PKHD1L1: variants seen among roughly 807,000 people sequenced by gnomAD.
The protein encoded by PKHD1L1 is PKHD1 like 1.
A neutral mutation model predicts 462.9 loss-of-function variants in PKHD1L1; 434 were observed. That is an observed-to-expected ratio of 0.94 (90% CI 0.87 to 1.02). The LOEUF is 1.02. PKHD1L1 is among the 50% of genes least tolerant of loss of function. The pLI is 0.00. For missense variants in PKHD1L1, 5,202 were observed against 5,096.1 expected (o/e 1.02, Z -0.63); for synonymous variants, 1,781 against 1,750.0 (o/e 1.02, Z -0.44).
At chr8:109,528,053 C>T (rs1324726419) in intron 77 of PKHD1L1, among the ~76,000 whole-genome samples, 1 of 152,104 alleles carries the variant, frequency 6.6e-6, no homozygotes, top group Non-Finnish European at 1.5e-5. Context: ...GACAGGCAGA[C>T]AGAGACATTG....
intron 73 of PKHD1L1, among the ~76,000 whole-genome samples, chr8:109,521,673 T>C (rs1480292678): frequency 6.6e-6 from 1 of 152,186 alleles, no homozygotes; most frequent in African/African-American, 2.4e-5. Context: ...GAACTATATG[T>C]AGTGTTAAAA....
rs781223109 is a variant in PKHD1L1 at position 109,445,630 on chromosome 8, A to G, written c.5761A>G (p.Ile1921Val). 1 of 1,606,940 alleles carries G rather than the reference A, an allele frequency of 6.2e-7. No individual in the cohort carries two copies. The highest frequency in any genetic ancestry group is 8.5e-7 in the Non-Finnish European group (1 of 1,174,968). Reference protein sequence around the residue: ...ALEDTPFLRGIIPSRGPPGTE... With the variant: ...ALEDTPFLRGVIPSRGPPGTE... ...GGAGGATACTCCATTTCTCAGAGGAATTATCCCAAGCAGAGGTACTCCAAT... is the reference window on the plus strand; with the variant it reads ...GGAGGATACTCCATTTCTCAGAGGAGTTATCCCAAGCAGAGGTACTCCAAT... Residue 1921 changes from isoleucine to valine, a missense_variant, in exon 38 of 78, where the codon ATT (isoleucine) becomes GTT (valine). Physicochemically the swap from Ile to Val is conservative, Grantham distance 29. Transcript: ENST00000378402.
At chr8:109,506,257 C>A (rs1819684081) in intron 68 of PKHD1L1, among the ~76,000 whole-genome samples, 1 of 152,160 alleles carries the variant, frequency 6.6e-6, no homozygotes, top group African/African-American at 2.4e-5. Context: ...TGGCAAATAA[C>A]AACCCATGGC....
intron 67 of PKHD1L1, chr8:109,499,367 T>C (rs1819284675): frequency 6.6e-6 from 1 of 152,284 alleles, no homozygotes; most frequent in Non-Finnish European, 1.5e-5. Context: ...CCAGTGTCTC[T>C]GAAGAAAGTA....
rs367631228 is a variant in PKHD1L1, at chr8:109,445,101, A to G, written c.5232A>G (p.Leu1744=). The change falls in exon 38 of 78, where the codon TTA becomes TTG. Residue 1744 remains leucine, a synonymous_variant. Transcript: ENST00000378402. The part of the protein sequence containing the change: ...QCQGNCTFSY[L]ESITPYITGV... Reference sequence around the variant, plus strand: ...AGGGAAACTGCACCTTTTCATACTTAGAAAGCATCACTCCTTACATAACAG... The same window carrying G: ...AGGGAAACTGCACCTTTTCATACTTGGAAAGCATCACTCCTTACATAACAG... The G allele has an allele frequency of 9.3e-6, 15 of 1,613,896 alleles. No individual in the cohort carries two copies. The African/African-American group carries it at 1.7e-4, about 19-fold the overall frequency.
chr8:109,471,593 G>T (rs1817721254), intron 50 of PKHD1L1, among the ~76,000 whole-genome samples: 1 of 152,110 alleles, frequency 6.6e-6, no homozygotes, highest in African/African-American at 2.4e-5. Context: ...GCCGAATTTG[G>T]TTCACATGTG....
rs981860488 is a variant in PKHD1L1, at chr8:109,411,192, T to G, written c.2086-1073T>G. Among the ~76,000 whole-genome samples, 41 of 152,168 alleles carry G rather than the reference T, an allele frequency of 2.7e-4. 1 individual carries two copies. The highest frequency in any genetic ancestry group is 8.8e-5 in the Non-Finnish European group (6 of 68,038). Reference sequence around the variant, plus strand: ...GTTAATTAGTACACGGCCCAGTCATTATTTATTTCTTAATGAGATATTTTC... The same window carrying G: ...GTTAATTAGTACACGGCCCAGTCATGATTTATTTCTTAATGAGATATTTTC... On this transcript the variant is annotated intron_variant, in intron 19 of 77. Coordinates refer to ENST00000378402, the MANE Select transcript of PKHD1L1 (RefSeq NM_177531.6).
chr8:109,525,689 T>A (rs1820779904), intron 76 of PKHD1L1, among the ~76,000 whole-genome samples: 1 of 152,118 alleles, frequency 6.6e-6, no homozygotes, highest in Non-Finnish European at 1.5e-5. Flanking sequence ...ATAAAAGAAC[T>A]ACCCTAAATT....
At chr8:109,449,250 A>T in intron 39 of PKHD1L1, 88 bp from the exon 40 acceptor site, 1 of 1,294,434 alleles carries the variant, frequency 7.7e-7, no homozygotes, top group South Asian at 1.8e-5. Context: ...ACTTACTTTT[A>T]ACATTTAAAA....
intron 26 of PKHD1L1, 149 bp downstream of exon 26, chr8:109,429,611 T>A: frequency 1.2e-6 from 1 of 860,324 alleles, no homozygotes; most frequent in Non-Finnish European, 1.7e-6. Context: ...GATAATATTA[T>A]TTTATGATTT....
At chr8:109,473,459 T>G (rs1207474579) in intron 50 of PKHD1L1, among the ~76,000 whole-genome samples, 1 of 150,728 alleles carries the variant, frequency 6.6e-6, no homozygotes, top group Non-Finnish European at 1.5e-5. Flanking sequence ...GAGTTTGCAG[T>G]GAGCCGAGAT....
At chr8:109,408,227 T>C in intron 18 of PKHD1L1, 21 bp downstream of exon 18, 1 of 1,601,110 alleles carries the variant, frequency 6.2e-7, no homozygotes. Context: ...GGAATGTTTC[T>C]ACCACGCATT....
chr8:109,468,757 A>G (rs1817572805), intron 50 of PKHD1L1, among the ~76,000 whole-genome samples: 1 of 152,180 alleles, frequency 6.6e-6, no homozygotes, highest in African/African-American at 2.4e-5. Context: ...GATTATTAGC[A>G]TCAGTTTAGA....
At chr8:109,507,118 C>T (rs990178403) in intron 68 of PKHD1L1, among the ~76,000 whole-genome samples, 27 of 152,092 alleles carry the variant, frequency 1.8e-4, no homozygotes, top group African/African-American at 6.5e-4. Flanking sequence ...AGAATATATA[C>T]TAATCTGCAA....
chr8:109,382,386 G>A, intron 3 of PKHD1L1, 77 bp from the exon 4 acceptor site: 4 of 1,152,634 alleles, frequency 3.5e-6, no homozygotes, highest in Non-Finnish European at 4.8e-6. Flanking sequence ...GCAGTCTGGG[G>A]CAGTATTTTT....
rs1021786055 is a variant in PKHD1L1 at position 109,459,577 on chromosome 8, T to C, written c.7005-18T>C. On this transcript the variant is annotated intron_variant, in intron 46 of 77. Coordinates refer to ENST00000378402, the MANE Select transcript of PKHD1L1 (RefSeq NM_177531.6). ...AATTTATATTAATTTTAAAATTTTT[T>C]TGTCAAAATTTTTACAGACACAGTC... 3.4e-6 allele frequency: 5 copies of C among 1,484,898 alleles called. No individual in the cohort carries two copies. The African/African-American group carries it at 7.1e-5, about 21-fold the overall frequency. The allele number at this position is 1,484,898 out of a possible 1,614,324, so 92.0% of individuals were successfully genotyped here. A position where few individuals can be genotyped will look rare whatever the true frequency, so the allele number is the denominator to read the frequency against.
intron 50 of PKHD1L1, among the ~76,000 whole-genome samples, chr8:109,472,105 T>C (rs1817751769): frequency 6.6e-6 from 1 of 152,078 alleles, no homozygotes; most frequent in Admixed American, 6.6e-5. Flanking sequence ...AAAAATAATG[T>C]TAGACTTGTG....
intron 67 of PKHD1L1, 49 bp downstream of exon 67, chr8:109,498,820 ATATG>A: frequency 7.0e-7 from 1 of 1,426,816 alleles, no homozygotes; most frequent in Non-Finnish European, 9.7e-7. Flanking sequence ...TCTGTAAAGA[ATATG>A]TAGAGGATAA....
intron 48 of PKHD1L1, among the ~76,000 whole-genome samples, chr8:109,463,146 G>A (rs1304840522): frequency 6.6e-6 from 1 of 152,052 alleles, no homozygotes; most frequent in Non-Finnish European, 1.5e-5. Context: ...TAGATTCTCA[G>A]TTGATTATAA....
Sources: gnomAD v4.1 joint callset for allele counts (sites outside exome capture counted in the v4.1 genomes callset) on GRCh38, gnomAD v4.1.1 for gene constraint, MANE v1.5 for transcripts, NCBI Gene and HGNC (gene_info 2026-07-23, HGNC 2026-07-21) for gene names.